PPP1R16B: variants seen among roughly 807,000 people sequenced by gnomAD.
The protein encoded by PPP1R16B is protein phosphatase 1 regulatory subunit 16B, also known as protein phosphatase 1 regulatory inhibitor subunit 16B.
PPP1R16B carries 14 observed loss-of-function variants against 61.7 expected under a neutral mutation model. The ratio of observed to expected loss-of-function variants is 0.23; its 90% CI spans 0.15 to 0.35. The LOEUF is 0.35. Ranked by LOEUF, PPP1R16B falls within the 10% of genes least tolerant of loss-of-function variation. The pLI, the probability that PPP1R16B is intolerant of heterozygous loss-of-function variation, is 1.00. For synonymous variants in PPP1R16B, 266 were observed against 305.3 expected (o/e 0.87, Z 1.34); for missense variants, 547 against 752.5 (o/e 0.73, Z 3.19).
At chr20:38,857,092 C>T (rs535183983) in intron 2 of PPP1R16B, among the ~76,000 whole-genome samples, 9 of 152,320 alleles carry the variant, frequency 5.9e-5, no homozygotes, top group Admixed American at 3.3e-4. Flanking sequence ...TGGATAAAGT[C>T]ACAGTTTAGA....
chr20:38,810,049 A>G (rs1457536613), intron 1 of PPP1R16B, among the ~76,000 whole-genome samples: 1 of 151,500 alleles, frequency 6.6e-6, no homozygotes, highest in Non-Finnish European at 1.5e-5. Flanking sequence ...CTTTCTAGAT[A>G]TTAATAAGTG....
chr20:38,897,320 C>A (rs1601300261), intron 4 of PPP1R16B, among the ~76,000 whole-genome samples: 2 of 152,192 alleles, frequency 1.3e-5, no homozygotes, highest in South Asian at 4.1e-4. Flanking sequence ...GAGTGAGACA[C>A]CATCTTAAAA....
At chr20:38,886,064 C>G (rs555407587) in intron 2 of PPP1R16B, among the ~76,000 whole-genome samples, 4 of 152,330 alleles carry the variant, frequency 2.6e-5, no homozygotes, top group African/African-American at 9.6e-5. Context: ...GCATGAGCCA[C>G]CGTGCCTGGC....
rs536527707 is a variant in PPP1R16B, at chr20:38,891,320, G to C, written c.321+1655G>C. ...CTCATCTCTAAAAGAGGAATAACAA[G>C]TACCCATCTCATTGGGTGGTTGTGA... On this transcript the variant is annotated intron_variant, in intron 3 of 10. Coordinates refer to ENST00000299824, the MANE Select transcript of PPP1R16B (RefSeq NM_015568.4). Among the ~76,000 whole-genome samples, 7 of 152,264 alleles carry C rather than the reference G, an allele frequency of 4.6e-5. No homozygotes were observed. In the South Asian group the frequency reaches 1.5e-3, roughly 32 times the overall value.
intron 2 of PPP1R16B, among the ~76,000 whole-genome samples, chr20:38,858,086 G>A (rs1002528382): frequency 3.9e-5 from 6 of 152,048 alleles, no homozygotes; most frequent in African/African-American, 1.4e-4. Context: ...TGGGGGAAAG[G>A]AGACTCTCTG....
At chr20:38,850,967 C>CA (rs11381856) in intron 2 of PPP1R16B, among the ~76,000 whole-genome samples, 96,158 of 136,538 alleles carry the variant, frequency 0.7, 33,408 homozygotes, top group African/African-American at 0.79. Context: ...GACTCCATCT[C>CA]AAAAAAAAAA....
intron 2 of PPP1R16B, among the ~76,000 whole-genome samples, chr20:38,839,761 C>T (rs2084897912): frequency 6.6e-6 from 1 of 151,930 alleles, no homozygotes; most frequent in Non-Finnish European, 1.5e-5. Context: ...CAGATCTGTG[C>T]CATTATTTTT....
rs548569267 is a variant in PPP1R16B at position 38,922,233 on chromosome 20, G to T, written c.*3567G>T. 2.0e-5 allele frequency: 3 copies of T among 152,720 alleles called. No individual in the cohort carries two copies. The highest frequency in any genetic ancestry group is 2.1e-4 in the South Asian group (1 of 4,826). The allele number at this position is 152,720 out of a possible 1,614,324, so 9.5% of individuals were successfully genotyped here. On this transcript the variant is annotated 3_prime_UTR_variant, in exon 11 of 11. Transcript: ENST00000299824. Reference sequence around the variant, plus strand: ...AAGGGGCTTAGAAAAGCTAACAAGGGTGTGTCCCCTGTCCTGCCCCACCGG... The same window carrying T: ...AAGGGGCTTAGAAAAGCTAACAAGGTTGTGTCCCCTGTCCTGCCCCACCGG...
In PPP1R16B at chr20:38,908,027, G is replaced by C; in HGVS notation, c.1029-1G>C. ...CTCTAGGACCCACTTTGTCCTCTCA[G>C]GAAGGTGGTGCGGCGAGCCAGCCTG... On this transcript the variant is annotated splice_acceptor_variant, in intron 9 of 10. Transcript: ENST00000299824. LOFTEE classifies it high-confidence loss of function. The C allele has an allele frequency of 6.2e-7, 1 of 1,614,214 alleles. No individual in the cohort carries two copies. Among genetic ancestry groups the C allele is most frequent in the Non-Finnish European group, 8.5e-7 (1 of 1,180,030 alleles).
rs1278829991 is a variant in PPP1R16B, at chr20:38,907,830, A to G, written c.923A>G (p.Lys308Arg). 6.2e-7 allele frequency: 1 copy of G among 1,614,176 alleles called. No homozygotes were observed. The highest frequency in any genetic ancestry group is 1.7e-5 in the Admixed American group (1 of 60,028). ...PIDLCEEEEF[K>R]VLLLELKHKH... Reference sequence around the variant, plus strand: ...GACCTGTGCGAGGAGGAAGAGTTCAAGGTCCTGCTGCTGGAGCTAAAACAC... The same window carrying G: ...GACCTGTGCGAGGAGGAAGAGTTCAGGGTCCTGCTGCTGGAGCTAAAACAC... The change falls in exon 9 of 11, where the codon AAG becomes AGG. Residue 308 changes from lysine (K) to arginine (R), a missense_variant. Lys to Arg is a conservative substitution (Grantham distance 26). Transcript: ENST00000299824. This position sits in a 1 kb window ranked among gnomAD's most constrained non-coding sequence, Gnocchi z 4.5.
chr20:38,873,988 C>T (rs560929536), intron 2 of PPP1R16B, among the ~76,000 whole-genome samples: 1 of 152,230 alleles, frequency 6.6e-6, no homozygotes, highest in African/African-American at 2.4e-5. Flanking sequence ...CTCGGCCTCC[C>T]AAAGTTCTGG....
chr20:38,887,178 T>C (rs1346285448), intron 2 of PPP1R16B, among the ~76,000 whole-genome samples: 1 of 152,162 alleles, frequency 6.6e-6, no homozygotes, highest in Non-Finnish European at 1.5e-5. Flanking sequence ...GAACAGACTA[T>C]GCAAAATCTC....
intron 2 of PPP1R16B, among the ~76,000 whole-genome samples, chr20:38,879,409 G>C (rs758551785): frequency 6.6e-6 from 1 of 152,038 alleles, no homozygotes; most frequent in Non-Finnish European, 1.5e-5. Context: ...ATACACAAAT[G>C]TCCCCTCACA....
intron 2 of PPP1R16B, among the ~76,000 whole-genome samples, chr20:38,881,729 A>G (rs1327805736): frequency 1.3e-5 from 2 of 152,194 alleles, no homozygotes; most frequent in African/African-American, 4.8e-5. Context: ...TCTCTATCAC[A>G]TGATGTTCTG....
chr20:38,919,805 G>C lies in PPP1R16B; in HGVS notation c.*1139G>C, dbSNP rs1008392737. The C allele has an allele frequency of 1.3e-5, 2 of 152,504 alleles. No individual in the cohort carries two copies. The highest frequency in any genetic ancestry group is 2.9e-5 in the Non-Finnish European group (2 of 68,282). The allele number at this position is 152,504 out of a possible 1,614,324, so 9.4% of individuals were successfully genotyped here. A position where few individuals can be genotyped will look rare whatever the true frequency, so the allele number is the denominator to read the frequency against. On this transcript the variant is annotated 3_prime_UTR_variant, in exon 11 of 11. Coordinates refer to ENST00000299824, the MANE Select transcript of PPP1R16B (RefSeq NM_015568.4). ...TCTCAGCCAACCCTCCTTAGACTGAGCTGTCAGAGCAAGCAATTAGGGGCC... is the reference window on the plus strand; with the variant it reads ...TCTCAGCCAACCCTCCTTAGACTGACCTGTCAGAGCAAGCAATTAGGGGCC...
chr20:38,841,966 G>A (rs2084911679), intron 2 of PPP1R16B, among the ~76,000 whole-genome samples: 1 of 152,150 alleles, frequency 6.6e-6, no homozygotes. Context: ...GAATTGTTGG[G>A]TCATATGGTA....
At chr20:38,862,060 G>T (rs557004154) in intron 2 of PPP1R16B, among the ~76,000 whole-genome samples, 18 of 152,282 alleles carry the variant, frequency 1.2e-4, no homozygotes, top group African/African-American at 4.1e-4. Context: ...CCTTGGAGGA[G>T]AGGCCCAAGT....
At chr20:38,898,385 A>C (rs1009917633) in intron 4 of PPP1R16B, among the ~76,000 whole-genome samples, 4 of 152,118 alleles carry the variant, frequency 2.6e-5, no homozygotes, top group African/African-American at 9.7e-5. Context: ...TTGATGCTAG[A>C]GTTTTGGAGT....
chr20:38,879,747 G>T (rs1416597631), intron 2 of PPP1R16B, among the ~76,000 whole-genome samples: 1 of 152,206 alleles, frequency 6.6e-6, no homozygotes, highest in Non-Finnish European at 1.5e-5. Context: ...CATCTGGGTA[G>T]CTGATGTGAA....
Sources: allele counts gnomAD v4.1 joint callset (sites outside exome capture counted in the v4.1 genomes callset), GRCh38; gene constraint gnomAD v4.1.1; non-coding constraint Gnocchi (gnomAD v3.1); transcripts MANE v1.5; gene names NCBI Gene and HGNC (gene_info 2026-07-23, HGNC 2026-07-21).